The following GRIP1 variants were observed in gnomAD, a reference collection of about 807,000 sequenced individuals.
The protein encoded by GRIP1 is glutamate receptor-interacting protein 1.
In GRIP1, 45 loss-of-function variants were observed where a neutral mutation model predicts 129.9. The ratio of observed to expected loss-of-function variants is 0.35; its 90% CI spans 0.27 to 0.44. GRIP1 has a LOEUF of 0.44. Among genes scored for constraint, GRIP1 ranks in the 20% least tolerant of loss-of-function variants. GRIP1 has a pLI of 1.00. For synonymous variants in GRIP1, 530 were observed against 520.8 expected (o/e 1.02, Z -0.24); for missense variants, 1,196 against 1,396.8 (o/e 0.86, Z 2.29).
intron 1 of GRIP1, among the ~76,000 whole-genome samples, chr12:66,977,235 CT>C (rs574630760): frequency 4.1e-5 from 6 of 147,118 alleles, no homozygotes; most frequent in Admixed American, 2.7e-4. Flanking sequence ...TTCTGCATTT[CT>C]TTTTTTTCTT....
intron 14 of GRIP1, among the ~76,000 whole-genome samples, chr12:66,422,184 A>T (rs1592828162): frequency 6.6e-6 from 1 of 152,324 alleles, no homozygotes; most frequent in African/African-American, 2.4e-5. Flanking sequence ...CAGATGGCTT[A>T]ATATCTTAAC....
chr12:66,678,342 G>C lies in GRIP1; in HGVS notation c.55+508C>G, dbSNP rs932015140. On this transcript the variant is annotated intron_variant, in intron 1 of 24. Transcript: ENST00000359742. ...TGGAATTACATACTTTTCTGAACAT[G>C]CAATTCTAACACATAAAGAAATTAA... 2.0e-5 allele frequency among the ~76,000 whole-genome samples: 3 copies of C among 152,084 alleles called. No homozygotes were observed. In the East Asian group the frequency reaches 5.8e-4, roughly 29 times the overall value.
At chr12:66,573,464 G>A (rs1328793357) in intron 2 of GRIP1, among the ~76,000 whole-genome samples, 1 of 152,154 alleles carries the variant, frequency 6.6e-6, no homozygotes, top group Non-Finnish European at 1.5e-5. Flanking sequence ...GATAACTAAT[G>A]TAAATGCTTT....
chr12:67,010,623 T>G lies in GRIP1; in HGVS notation c.58+58427A>C, dbSNP rs1423718087. 3.3e-5 allele frequency among the ~76,000 whole-genome samples: 5 copies of G among 151,868 alleles called. No homozygotes were observed. The East Asian group carries it at 5.8e-4, about 18-fold the overall frequency. ...AGATATGAGAAAGAATAGAAAGAAA[T>G]AAAGATGATTAGCCAGAAGAAAAAA... On this transcript the variant is annotated intron_variant, in intron 1 of 1. Transcript: ENST00000643019.
At position 66,694,621 on chromosome 12, in the gene GRIP1, T is replaced by C. The variant is rs1337143670; in HGVS notation, c.-419-64285A>G. Among the ~76,000 whole-genome samples, 7 of 152,322 alleles carry C rather than the reference T, an allele frequency of 4.6e-5. No homozygotes were observed. In the East Asian group the frequency reaches 5.8e-4, roughly 13 times the overall value. On this transcript the variant is annotated intron_variant, in intron 1 of 4. Coordinates refer to the GRIP1 transcript ENST00000538373. Reference sequence around the variant, plus strand: ...TGTGAGGATTATGTTACATTATTAGTAAAGTATTTAGCATAGTGCGTGATA... The same window carrying C: ...TGTGAGGATTATGTTACATTATTAGCAAAGTATTTAGCATAGTGCGTGATA...
chr12:66,690,711 A>T (rs1280944576), intron 1 of GRIP1, among the ~76,000 whole-genome samples: 8 of 148,872 alleles, frequency 5.4e-5, no homozygotes, highest in East Asian at 2.0e-4. Context: ...AATAAAAATT[A>T]AAAAAAAATT....
At chr12:66,606,287 G>A (rs1172516922) in intron 1 of GRIP1, among the ~76,000 whole-genome samples, 1 of 151,942 alleles carries the variant, frequency 6.6e-6, no homozygotes, top group Non-Finnish European at 1.5e-5. Flanking sequence ...TCAGGTTGAT[G>A]TCCCTGGTTG....
chr12:66,392,498 C>T lies in GRIP1; in HGVS notation c.2274G>A (p.Gln758=), dbSNP rs2056630372. 1 of 1,613,748 alleles carries T rather than the reference C, an allele frequency of 6.2e-7. No homozygotes were observed. The highest frequency in any genetic ancestry group is 1.3e-5 in the African/African-American group (1 of 74,900). Residue 758 remains glutamine, a synonymous_variant, in exon 19 of 25, where the codon CAG becomes CAA. Coordinates refer to ENST00000359742, the MANE Select transcript of GRIP1 (RefSeq NM_001366722.1). ...TLKIKKQTDA[Q]SASSPKKFPI... ...GGAACTTCTTGGGGCTCGATGCTGA[C>T]TGGGCTTTATAGACAGGAAAGGAGT...
chr12:66,699,048 C>T (rs1249715024), intron 1 of GRIP1, among the ~76,000 whole-genome samples: 2 of 152,064 alleles, frequency 1.3e-5, no homozygotes, highest in African/African-American at 4.8e-5. Flanking sequence ...CATCATCCAG[C>T]CCTCATCCAC....
At chr12:66,447,320 G>A (rs1018598262) in intron 11 of GRIP1, among the ~76,000 whole-genome samples, 6 of 152,186 alleles carry the variant, frequency 3.9e-5, no homozygotes, top group African/African-American at 1.4e-4. Flanking sequence ...CAACTCCACT[G>A]TTGTTACTAA....
rs952983604 is a variant in GRIP1 at position 67,041,393 on chromosome 12, T to C, written c.58+27657A>G. Among the ~76,000 whole-genome samples, 3 of 152,156 alleles carry C rather than the reference T, an allele frequency of 2.0e-5. No individual in the cohort carries two copies. In the East Asian group the frequency reaches 5.8e-4, roughly 29 times the overall value. On this transcript the variant is annotated intron_variant, in intron 1 of 1. Coordinates refer to the GRIP1 transcript ENST00000643019. ...GTGCGTGTGTATATACACATATATA[T>C]GGAGAGAGAGAGAAGAGAGAGAGAT...
chr12:66,693,596 G>A (rs2035053260), intron 1 of GRIP1, among the ~76,000 whole-genome samples: 1 of 152,006 alleles, frequency 6.6e-6, no homozygotes, highest in African/African-American at 2.4e-5. Context: ...CACATTCTGG[G>A]CCCATCTGAG....
intron 1 of GRIP1, among the ~76,000 whole-genome samples, chr12:66,711,665 G>C (rs1470336547): frequency 6.6e-6 from 1 of 151,720 alleles, no homozygotes; most frequent in Non-Finnish European, 1.5e-5. Flanking sequence ...GTCTTATAAA[G>C]GAAATAACTG....
intron 7 of GRIP1, among the ~76,000 whole-genome samples, chr12:66,485,685 GTTTA>G (rs2059934113): frequency 6.7e-6 from 1 of 148,804 alleles, no homozygotes; most frequent in Non-Finnish European, 1.5e-5. Context: ...AGGTTTCATT[GTTTA>G]ATTTTATATT....
intron 1 of GRIP1, among the ~76,000 whole-genome samples, chr12:66,826,240 G>T (rs2039410049): frequency 6.6e-6 from 1 of 152,088 alleles, no homozygotes; most frequent in Non-Finnish European, 1.5e-5. Context: ...CTCATAAGTG[G>T]GAGTTGAACA....
At chr12:66,351,650 T>C (rs2054231170) in intron 24 of GRIP1, among the ~76,000 whole-genome samples, 1 of 150,506 alleles carries the variant, frequency 6.6e-6, no homozygotes, top group South Asian at 2.1e-4. Flanking sequence ...ACAGGCAGTT[T>C]TAATAATGTA....
At chr12:66,689,227 A>G (rs532944018) in intron 1 of GRIP1, among the ~76,000 whole-genome samples, 3 of 152,334 alleles carry the variant, frequency 2.0e-5, no homozygotes, top group African/African-American at 7.2e-5. Context: ...GCTTGTGTTG[A>G]CAGTAATCCA....
chr12:66,954,285 T>C (rs2041806271), intron 1 of GRIP1, among the ~76,000 whole-genome samples: 1 of 152,224 alleles, frequency 6.6e-6, no homozygotes, highest in Non-Finnish European at 1.5e-5. Context: ...AATAAAAAAT[T>C]GCTGCAGAGT....
chr12:67,010,428 A>T lies in GRIP1; in HGVS notation c.58+58622T>A, dbSNP rs531725282. 1.4e-3 allele frequency among the ~76,000 whole-genome samples: 219 copies of T among 152,306 alleles called. 1 individual carries two copies. The highest frequency in any genetic ancestry group is 1.9e-3 in the Non-Finnish European group (129 of 68,020). The stretch of plus-strand genomic sequence containing the variant: ...AGCAATCTGAATTCACATTTAAAAA[A>T]AATAATAATGACTATGGCAAGAAAA... On this transcript the variant is annotated intron_variant, in intron 1 of 1. Transcript: ENST00000643019.
Sources: gnomAD v4.1 joint callset for allele counts (sites outside exome capture counted in the v4.1 genomes callset) on GRCh38, gnomAD v4.1.1 for gene constraint, MANE v1.5 for transcripts, NCBI Gene and HGNC (gene_info 2026-07-23, HGNC 2026-07-21) for gene names.